SNX2: variants seen among roughly 807,000 people sequenced by gnomAD.
SNX2 encodes the protein sorting nexin 2.
A neutral mutation model predicts 69.9 loss-of-function variants in SNX2; 25 were observed. The observed-to-expected ratio is 0.36, with a 90% CI of 0.26 to 0.50. SNX2 has a LOEUF of 0.50. Ranked by LOEUF, SNX2 falls within the 20% of genes least tolerant of loss-of-function variation. SNX2 has a pLI of 0.97. For synonymous variants in SNX2, 229 were observed against 200.4 expected (o/e 1.14, Z -1.20); for missense variants, 551 against 613.3 (o/e 0.90, Z 1.07).
chr5:122,827,349 A>G, intron 12 of SNX2, 30 bp from the exon 13 acceptor site: 1 of 1,575,552 alleles, frequency 6.3e-7, no homozygotes, highest in South Asian at 1.1e-5. Context: ...TTTTTGAGAT[A>G]AGCATAAAAT....
rs1225796809 is a variant in SNX2, at chr5:122,830,279, T to C, written c.*631T>C. ...ACTAAATGAAGCTTAAGTTTTCTTA[T>C]GAAACCATCATAAATCAAAGAACAT... On this transcript the variant is annotated 3_prime_UTR_variant, in exon 15 of 15. Transcript: ENST00000379516. Among the ~76,000 whole-genome samples, 2 of 152,214 alleles carry C rather than the reference T, an allele frequency of 1.3e-5. No homozygotes were observed. Among genetic ancestry groups the C allele is most frequent in the Admixed American group, 6.5e-5 (1 of 15,276 alleles).
chr5:122,815,637 C>CAAATTGT (rs1455616854), intron 7 of SNX2: 1 of 252,208 alleles, frequency 4.0e-6, no homozygotes, highest in Non-Finnish European at 7.5e-6. Context: ...AGTTATTTAA[C>CAAATTGT]CTCTCCCCAC....
intron 1 of SNX2, among the ~76,000 whole-genome samples, chr5:122,779,532 A>C (rs935207624): frequency 1.3e-5 from 2 of 152,130 alleles, no homozygotes; most frequent in African/African-American, 4.8e-5. Context: ...GTATGGCTGT[A>C]CCACAGTTTG....
chr5:122,814,311 T>C (rs1378144598), intron 7 of SNX2, among the ~76,000 whole-genome samples: 1 of 152,242 alleles, frequency 6.6e-6, no homozygotes, highest in African/African-American at 2.4e-5. Flanking sequence ...TTCTTAAACC[T>C]GCAGGATTAG....
intron 10 of SNX2, 95 bp from the exon 11 acceptor site, chr5:122,818,723 A>C: frequency 1.1e-6 from 1 of 949,198 alleles, no homozygotes; most frequent in South Asian, 1.7e-5. Flanking sequence ...CAACTTGTGC[A>C]TAAGTAAAAT....
At chr5:122,825,682 T>G (rs982956851) in intron 11 of SNX2, among the ~76,000 whole-genome samples, 3 of 152,084 alleles carry the variant, frequency 2.0e-5, no homozygotes, top group African/African-American at 7.2e-5. Context: ...TAATATTATT[T>G]AGCGGGAAAA....
At chr5:122,796,184 T>C (rs1322697863) in intron 2 of SNX2, among the ~76,000 whole-genome samples, 1 of 152,010 alleles carries the variant, frequency 6.6e-6, no homozygotes, top group African/African-American at 2.4e-5. Context: ...TGAGATTGCC[T>C]CCCTCAAACC....
chr5:122,812,289 G>C (rs1460116273), intron 7 of SNX2, among the ~76,000 whole-genome samples: 1 of 152,086 alleles, frequency 6.6e-6, no homozygotes. Flanking sequence ...GCCTCACTCT[G>C]TTACCCATTT....
At chr5:122,789,040 A>T (rs1753151266) in intron 1 of SNX2, among the ~76,000 whole-genome samples, 1 of 152,140 alleles carries the variant, frequency 6.6e-6, no homozygotes, top group Non-Finnish European at 1.5e-5. Flanking sequence ...ATCCTGTTAT[A>T]ATCCTCTGGA....
At chr5:122,802,211 C>T (rs1470964077) in intron 5 of SNX2, 87 bp downstream of exon 5, 8 of 1,146,642 alleles carry the variant, frequency 7.0e-6, no homozygotes, top group Non-Finnish European at 1.0e-5. Flanking sequence ...AGAAGTGATC[C>T]CTGTCTTTAT....
At chr5:122,810,398 T>TAAA (rs1561464624) in intron 7 of SNX2, among the ~76,000 whole-genome samples, 15 of 59,798 alleles carry the variant, frequency 2.5e-4, no homozygotes, top group Admixed American at 7.6e-4. Flanking sequence ...GAATGATCAA[T>TAAA]TAAAAAAAAA....
chr5:122,801,585 G>C (rs1262158027), intron 3 of SNX2, among the ~76,000 whole-genome samples: 1 of 142,496 alleles, frequency 7.0e-6, no homozygotes, highest in Admixed American at 7.3e-5. Context: ...TGCCTGGGCA[G>C]CAGAGCAAGA....
intron 2 of SNX2, among the ~76,000 whole-genome samples, chr5:122,798,775 C>G (rs550855602): frequency 2.2e-4 from 34 of 152,144 alleles, no homozygotes; most frequent in Middle Eastern, 6.8e-3. Flanking sequence ...TTTTCTCTAC[C>G]CATTTCAGTC....
At chr5:122,779,105 A>G (rs907887737) in intron 1 of SNX2, among the ~76,000 whole-genome samples, 8 of 152,228 alleles carry the variant, frequency 5.3e-5, no homozygotes, top group African/African-American at 1.9e-4. Flanking sequence ...GTTTTAAAAA[A>G]AAGGTCAGGA....
intron 11 of SNX2, among the ~76,000 whole-genome samples, chr5:122,822,866 C>A (rs952254995): frequency 7.9e-5 from 12 of 152,194 alleles, no homozygotes; most frequent in Non-Finnish European, 1.6e-4. Flanking sequence ...ATAAAACATA[C>A]TAAAAAAATG....
rs1275293322 is a variant in SNX2 at position 122,808,336 on chromosome 5, C to T, written c.703C>T (p.Arg235Trp). ...DSSSTEFVEKRRAALERYLQR... is the reference protein window; with the variant it reads ...DSSSTEFVEKWRAALERYLQR... ...ATCATCCACTGAGTTTGTAGAAAAACGGAGAGCAGCTCTTGAAAGGTAATT... is the reference window on the plus strand; with the variant it reads ...ATCATCCACTGAGTTTGTAGAAAAATGGAGAGCAGCTCTTGAAAGGTAATT... Residue 235 changes from arginine to tryptophan, a missense_variant, in exon 7 of 15, where the codon CGG becomes TGG. Arg to Trp is a moderately radical substitution (Grantham distance 101). Coordinates refer to ENST00000379516, the MANE Select transcript of SNX2 (RefSeq NM_003100.4). 4 of 1,609,774 alleles carry T rather than the reference C, an allele frequency of 2.5e-6. No individual in the cohort carries two copies. The highest frequency in any genetic ancestry group is 1.7e-5 in the Admixed American group (1 of 59,206).
At chr5:122,803,800 T>C in intron 6 of SNX2, 187 bp downstream of exon 6, 1 of 495,752 alleles carries the variant, frequency 2.0e-6, no homozygotes, top group Non-Finnish European at 3.5e-6. Context: ...TAGTTTTATT[T>C]TCTAACACTT....
At chr5:122,825,448 T>C (rs1397226317) in intron 11 of SNX2, among the ~76,000 whole-genome samples, 4 of 152,096 alleles carry the variant, frequency 2.6e-5, no homozygotes, top group Admixed American at 6.5e-5. Context: ...TTTTTGTCTA[T>C]TTCTTTAGTT....
intron 7 of SNX2, chr5:122,808,834 A>G (rs961401469): frequency 2.6e-5 from 4 of 152,344 alleles, no homozygotes; most frequent in Admixed American, 6.5e-5. Context: ...GTTGGATAGT[A>G]TAGCTAATTA....
Sources: gnomAD v4.1 joint callset for allele counts (sites outside exome capture counted in the v4.1 genomes callset) on GRCh38, gnomAD v4.1.1 for gene constraint, MANE v1.5 for transcripts, NCBI Gene and HGNC (gene_info 2026-07-23, HGNC 2026-07-21) for gene names.